The following CHN1 variants were observed in gnomAD, a reference collection of about 807,000 sequenced individuals.
CHN1 encodes N-chimaerin.
Under a neutral mutation model 59.5 loss-of-function variants are expected in CHN1, and 37 were observed. The ratio of observed to expected loss-of-function variants is 0.62; its 90% CI spans 0.48 to 0.82. The LOEUF is 0.82. CHN1 is among the 40% of genes least tolerant of loss of function. CHN1 has a pLI of 0.00. For missense variants in CHN1, 469 were observed against 571.0 expected (o/e 0.82, Z 1.82); for synonymous variants, 206 against 200.4 (o/e 1.03, Z -0.24).
chr2:174,962,320 T>A (rs780283523), intron 1 of CHN1, among the ~76,000 whole-genome samples: 1 of 151,888 alleles, frequency 6.6e-6, no homozygotes, highest in Admixed American at 6.6e-5. Context: ...AAATATTTCA[T>A]CTAATAGAAG....
intron 6 of CHN1, among the ~76,000 whole-genome samples, chr2:174,871,229 C>T (rs1195577859): frequency 2.4e-5 from 2 of 83,480 alleles, no homozygotes; most frequent in African/African-American, 6.1e-5. Context: ...AGCCACCACC[C>T]TCACGAACTA....
chr2:174,957,197 G>A (rs911909456), intron 1 of CHN1, among the ~76,000 whole-genome samples: 3 of 152,106 alleles, frequency 2.0e-5, no homozygotes, highest in African/African-American at 7.2e-5. Context: ...TTTAGCACGA[G>A]GCTTGGGGAC....
chr2:174,838,029 G>T (rs1459577548), intron 7 of CHN1, among the ~76,000 whole-genome samples: 1 of 152,144 alleles, frequency 6.6e-6, no homozygotes, highest in Non-Finnish European at 1.5e-5. Flanking sequence ...AAGATGATAA[G>T]ACATGTACGT....
At chr2:174,954,047 A>G (rs939510338) in intron 1 of CHN1, among the ~76,000 whole-genome samples, 1 of 152,224 alleles carries the variant, frequency 6.6e-6, no homozygotes, top group Non-Finnish European at 1.5e-5. Context: ...AAACTATACT[A>G]TAAGGCCATA....
chr2:174,817,037 T>C (rs1008162139), intron 8 of CHN1, among the ~76,000 whole-genome samples: 1 of 152,164 alleles, frequency 6.6e-6, no homozygotes, highest in Admixed American at 6.5e-5. Context: ...TTTGAAATCT[T>C]AGATTGCTGA....
At chr2:174,986,588 C>T (rs535258986) in intron 1 of CHN1, among the ~76,000 whole-genome samples, 1 of 151,428 alleles carries the variant, frequency 6.6e-6, no homozygotes, top group African/African-American at 2.4e-5. Flanking sequence ...TACTTATAAA[C>T]AGATTTTCTT....
chr2:174,903,752 T>G (rs891784523), intron 5 of CHN1, among the ~76,000 whole-genome samples: 1 of 152,206 alleles, frequency 6.6e-6, no homozygotes, highest in Non-Finnish European at 1.5e-5. Context: ...AATTACCAAG[T>G]GATCGTATAA....
chr2:174,920,501 T>C (rs1291689937), intron 3 of CHN1, among the ~76,000 whole-genome samples: 2 of 152,222 alleles, frequency 1.3e-5, no homozygotes, highest in South Asian at 2.1e-4. Flanking sequence ...TCTGTCTATT[T>C]GACACTGACT....
At chr2:174,805,483 A>C (rs564691805) in intron 11 of CHN1, among the ~76,000 whole-genome samples, 1 of 152,370 alleles carries the variant, frequency 6.6e-6, no homozygotes, top group South Asian at 2.1e-4. Flanking sequence ...CTCCCTTTAA[A>C]AGGGATTCCG....
intron 1 of CHN1, among the ~76,000 whole-genome samples, chr2:174,955,092 T>G (rs572361900): frequency 6.0e-5 from 9 of 150,438 alleles, no homozygotes; most frequent in South Asian, 2.1e-4. Flanking sequence ...TACATCTATA[T>G]ATCTATATAT....
intron 1 of CHN1, among the ~76,000 whole-genome samples, chr2:174,988,046 A>C (rs1691405431): frequency 6.6e-6 from 1 of 152,174 alleles, no homozygotes; most frequent in Non-Finnish European, 1.5e-5. Flanking sequence ...CTTTCCAAGT[A>C]TGAGTAAAAT....
At chr2:174,981,275 G>C (rs1270957529) in intron 1 of CHN1, among the ~76,000 whole-genome samples, 1 of 152,038 alleles carries the variant, frequency 6.6e-6, no homozygotes, top group African/African-American at 2.4e-5. Context: ...TGTGAGATCA[G>C]CTAAAAAAAA....
chr2:174,975,574 C>T (rs1418495349), intron 1 of CHN1, among the ~76,000 whole-genome samples: 1 of 151,390 alleles, frequency 6.6e-6, no homozygotes, highest in African/African-American at 2.4e-5. Context: ...CCTGGAAGAG[C>T]AGTCATTACC....
At chr2:174,947,157 T>C (rs1305143449) in intron 2 of CHN1, among the ~76,000 whole-genome samples, 3 of 152,108 alleles carry the variant, frequency 2.0e-5, no homozygotes, top group African/African-American at 4.8e-5. Context: ...GCACAAATAC[T>C]GTAGTATCTG....
intron 6 of CHN1, among the ~76,000 whole-genome samples, chr2:174,867,239 G>A (rs1687247554): frequency 6.6e-6 from 1 of 151,838 alleles, no homozygotes; most frequent in African/African-American, 2.4e-5. Flanking sequence ...AGCTGAGCGT[G>A]GTGGTGCACG....
intron 5 of CHN1, among the ~76,000 whole-genome samples, chr2:174,895,367 T>G (rs1440590716): frequency 1.3e-5 from 2 of 152,120 alleles, no homozygotes; most frequent in Non-Finnish European, 2.9e-5. Flanking sequence ...TACGGATATC[T>G]AGAGCAGTCA....
intron 1 of CHN1, among the ~76,000 whole-genome samples, chr2:174,986,743 T>C (rs993572144): frequency 2.0e-5 from 3 of 152,270 alleles, no homozygotes; most frequent in Admixed American, 1.3e-4. Flanking sequence ...TTTTTGTTTG[T>C]TTGCTTGTTT....
intron 1 of CHN1, among the ~76,000 whole-genome samples, chr2:174,995,581 C>A (rs553178279): frequency 7.2e-5 from 11 of 152,304 alleles, no homozygotes; most frequent in Non-Finnish European, 1.3e-4. Context: ...GAGCAGTTCA[C>A]AATACGGTTC....
intron 5 of CHN1, among the ~76,000 whole-genome samples, chr2:174,885,316 A>G: frequency 6.6e-6 from 1 of 151,214 alleles, no homozygotes; most frequent in South Asian, 2.1e-4. Context: ...AGAGAGAGAA[A>G]TTACATATAA....
Sources: gnomAD v4.1 joint callset for allele counts (sites outside exome capture counted in the v4.1 genomes callset) on GRCh38, gnomAD v4.1.1 for gene constraint, MANE v1.5 for transcripts, NCBI Gene and HGNC (gene_info 2026-07-23, HGNC 2026-07-21) for gene names.